Variants in FAM81A observed in about 807,000 individuals in gnomAD.
FAM81A encodes family with sequence similarity 81 member A.
FAM81A carries 19 observed loss-of-function variants against 46.7 expected under a neutral mutation model. That is an observed-to-expected ratio of 0.41 (90% CI 0.28 to 0.60). The LOEUF (loss-of-function observed/expected upper bound fraction) is 0.60. FAM81A is among the 20% of genes least tolerant of loss of function. FAM81A has a pLI of 0.34. For synonymous variants in FAM81A, 183 were observed against 152.9 expected, an observed-to-expected ratio of 1.20 and a Z score of -1.45; for missense variants, 377 against 453.5, an observed-to-expected ratio of 0.83 and a Z score of 1.53.
upstream of FAM81A, among the ~76,000 whole-genome samples, chr15:59,437,135 T>C (rs1449190794): frequency 3.3e-5 from 5 of 151,882 alleles, no homozygotes; most frequent in Non-Finnish European, 7.4e-5. Flanking sequence ...CAAATAACAG[T>C]CCTTAATACT....
intron 2 of FAM81A, among the ~76,000 whole-genome samples, chr15:59,419,849 G>A (rs1169945486): frequency 6.6e-6 from 1 of 152,134 alleles, no homozygotes; most frequent in African/African-American, 2.4e-5. Flanking sequence ...CTGTACTCAA[G>A]CCTGGACAAC....
intron 4 of FAM81A, among the ~76,000 whole-genome samples, chr15:59,506,503 A>G (rs1250155836): frequency 6.6e-6 from 1 of 152,208 alleles, no homozygotes; most frequent in African/African-American, 2.4e-5. Context: ...ACCTAATGGC[A>G]TTCTGTCTCT....
In FAM81A at chr15:59,521,431, C is replaced by A; in HGVS notation, c.*53C>A. ...CAGTTTTGCCAGTGGGGCTAGGAGC[C>A]GGATACCTCTGTAGCCAGGCCATCG... On this transcript the variant is annotated 3_prime_UTR_variant, in exon 9 of 9. Coordinates refer to ENST00000288228, the MANE Select transcript of FAM81A (RefSeq NM_152450.3). 1 of 1,542,252 alleles carries A rather than the reference C, an allele frequency of 6.5e-7. No individual in the cohort carries two copies. Among genetic ancestry groups the A allele is most frequent in the Non-Finnish European group, 8.8e-7 (1 of 1,142,232 alleles).
intron 4 of FAM81A, among the ~76,000 whole-genome samples, chr15:59,495,740 G>A (rs2082026405): frequency 6.6e-6 from 1 of 152,092 alleles, no homozygotes. Flanking sequence ...TCTCATTGTG[G>A]TTTTGATTGC....
intron 1 of FAM81A, among the ~76,000 whole-genome samples, chr15:59,399,765 G>A (rs2140460800): frequency 6.6e-6 from 1 of 152,262 alleles, no homozygotes; most frequent in South Asian, 2.1e-4. Context: ...CAGAGTTCTG[G>A]CTCTCCTCCT....
At chr15:59,439,262 GC>G (rs2081271453) in intron 1 of FAM81A, among the ~76,000 whole-genome samples, 1 of 152,126 alleles carries the variant, frequency 6.6e-6, no homozygotes, top group Admixed American at 6.5e-5. Flanking sequence ...AGAAGCAAGG[GC>G]AAACATTTGC....
Position 59,492,392 on chromosome 15 carries a change from A to G in FAM81A, c.413+3A>G. The G allele has an allele frequency of 6.2e-7, 1 of 1,610,348 alleles. No individual in the cohort carries two copies. The highest frequency in any genetic ancestry group is 8.5e-7 in the Non-Finnish European group (1 of 1,177,710). On this transcript the variant is annotated splice_donor_region_variant and intron_variant, in intron 4 of 8. Transcript: ENST00000288228. ...GATCTTCGAGGAAGAGTGGCAAGGT[A>G]GGTGTTCAAATGTTGGGGTCTCTGC...
intron 2 of FAM81A, among the ~76,000 whole-genome samples, chr15:59,403,516 C>G (rs762269536): frequency 6.6e-6 from 1 of 152,158 alleles, no homozygotes; most frequent in Non-Finnish European, 1.5e-5. Flanking sequence ...CTTCCAGCCT[C>G]GAACTGGGAG....
intron 3 of FAM81A, among the ~76,000 whole-genome samples, chr15:59,466,343 T>C (rs187896079): frequency 6.6e-4 from 100 of 152,356 alleles, no homozygotes; most frequent in African/African-American, 1.9e-3. Flanking sequence ...GCGTTCCTAT[T>C]TCTCCACATC....
chr15:59,446,693 T>C (rs2081357395), intron 1 of FAM81A: 2 of 152,328 alleles, frequency 1.3e-5, no homozygotes, highest in South Asian at 4.1e-4. Context: ...CTTGCAGTTT[T>C]CCTGGAACCT....
At position 59,522,127 on chromosome 15, in the gene FAM81A, A is replaced by G. The variant is rs2082334180; in HGVS notation, c.*749A>G. On this transcript the variant is annotated 3_prime_UTR_variant, in exon 9 of 9. Coordinates refer to ENST00000288228, the MANE Select transcript of FAM81A (RefSeq NM_152450.3). ...ACAACCTGTATAGTGATAGCCATAT[A>G]TTTAATAATGGAATGGTGGTTAACA... is the stretch of plus-strand genomic sequence containing the variant. 6.6e-6 allele frequency: 1 copy of G among 152,644 alleles called. No individual in the cohort carries two copies. Among genetic ancestry groups the G allele is most frequent in the Non-Finnish European group, 1.5e-5 (1 of 68,032 alleles). The allele number at this position is 152,644 out of a possible 1,614,324, so 9.5% of individuals were successfully genotyped here.
At chr15:59,480,406 C>T (rs1386633794) in intron 3 of FAM81A, among the ~76,000 whole-genome samples, 1 of 152,158 alleles carries the variant, frequency 6.6e-6, no homozygotes, top group Non-Finnish European at 1.5e-5. Flanking sequence ...TGGTTGTCAT[C>T]ACCTTTGCAT....
intron 2 of FAM81A, among the ~76,000 whole-genome samples, chr15:59,416,331 C>T (rs748555207): frequency 2.6e-5 from 4 of 152,220 alleles, no homozygotes; most frequent in Non-Finnish European, 4.4e-5. Context: ...CCATTTGTCT[C>T]GCCAAAGGAT....
At chr15:59,435,263 G>A (rs1185244881), upstream of FAM81A, among the ~76,000 whole-genome samples, 1 of 150,900 alleles carries the variant, frequency 6.6e-6, no homozygotes, top group Non-Finnish European at 1.5e-5. Context: ...CTCCAGCCTG[G>A]CGACAGAGCA....
chr15:59,504,097 G>C (rs2082124898), intron 4 of FAM81A, among the ~76,000 whole-genome samples: 1 of 151,858 alleles, frequency 6.6e-6, no homozygotes, highest in South Asian at 2.1e-4. Flanking sequence ...GCTTATGTTT[G>C]GACTGGAAAA....
At chr15:59,477,932 C>T (rs1417021289) in intron 3 of FAM81A, among the ~76,000 whole-genome samples, 4 of 152,168 alleles carry the variant, frequency 2.6e-5, no homozygotes. Context: ...AGAAACTTTC[C>T]ACCAATGATC....
At chr15:59,473,951 A>G (rs1242645003) in intron 3 of FAM81A, among the ~76,000 whole-genome samples, 1 of 152,142 alleles carries the variant, frequency 6.6e-6, no homozygotes, top group Non-Finnish European at 1.5e-5. Context: ...TGTTGGGATT[A>G]CAGGCATAAG....
At chr15:59,451,507 C>T (rs2081418536) in intron 1 of FAM81A, among the ~76,000 whole-genome samples, 1 of 150,940 alleles carries the variant, frequency 6.6e-6, no homozygotes, top group East Asian at 1.9e-4. Context: ...GGCTAGAAGG[C>T]AGTGGTGTGA....
chr15:59,413,417 AACACACACACACACACACACACACAC>A (rs535000983), intron 2 of FAM81A, among the ~76,000 whole-genome samples: 3 of 134,418 alleles, frequency 2.2e-5, no homozygotes, highest in African/African-American at 8.1e-5. Flanking sequence ...GAGAGCATTA[AACACACACACACACACACACACACAC>A]ACACACACAC....
Sources: gnomAD v4.1 joint callset for allele counts (sites outside exome capture counted in the v4.1 genomes callset) on GRCh38, gnomAD v4.1.1 for gene constraint, MANE v1.5 for transcripts, NCBI Gene and HGNC (gene_info 2026-07-23, HGNC 2026-07-21) for gene names.